The following PCDHA7 variants were observed in gnomAD, a reference collection of about 807,000 sequenced individuals.
PCDHA7 encodes protocadherin alpha 7.
In PCDHA7, 37 loss-of-function variants were observed where a neutral mutation model predicts 57.2. The ratio of observed to expected loss-of-function variants is 0.65; its 90% CI spans 0.50 to 0.85. The LOEUF (loss-of-function observed/expected upper bound fraction) is 0.85, where lower values mean the gene tolerates loss of function less well. PCDHA7 is among the 40% of genes least tolerant of loss of function. PCDHA7 has a pLI of 0.00. For synonymous variants in PCDHA7, 553 were observed against 558.8 expected (o/e 0.99, Z 0.15); for missense variants, 1,188 against 1,241.8 (o/e 0.96, Z 0.65).
At chr5:140,884,585 A>C in intron 1 of PCDHA7, 2 of 1,614,190 alleles carry the variant, frequency 1.2e-6, no homozygotes, top group Non-Finnish European at 1.7e-6. Context: ...CATGGCCTTC[A>C]GTCCCAGCCT....
intron 1 of PCDHA7, among the ~76,000 whole-genome samples, chr5:140,901,437 C>G (rs1554189835): frequency 1.3e-5 from 2 of 152,132 alleles, no homozygotes; most frequent in Non-Finnish European, 2.9e-5. Flanking sequence ...ATATGGATAT[C>G]TAGTTTCCCA....
intron 1 of PCDHA7, chr5:140,927,024 G>A (rs1554203920): frequency 6.2e-7 from 1 of 1,612,408 alleles, no homozygotes. Flanking sequence ...CGGACTTGAG[G>A]CTGCCAGCGG....
At chr5:140,967,188 TCAACGA>T in intron 1 of PCDHA7, 1 of 1,613,420 alleles carries the variant, frequency 6.2e-7, no homozygotes, top group Non-Finnish European at 8.5e-7. Flanking sequence ...ATATTGGACA[TCAACGA>T]CAACTCACCG....
rs911070094 is a variant in PCDHA7, at chr5:141,009,570, G to A, written c.2504-57G>A. On this transcript the variant is annotated intron_variant, in intron 3 of 3. Coordinates refer to ENST00000525929, the MANE Select transcript of PCDHA7 (RefSeq NM_018910.3). ...AGTACTCCTGTACTCTACCAGCAGT[G>A]TGGCATCAAGAGCATGTGTTGACCC... The A allele has an allele frequency of 1.9e-6, 3 of 1,577,968 alleles. No homozygotes were observed. In the Admixed American group the frequency reaches 5.2e-5, roughly 28 times the overall value.
chr5:140,839,198 C>T (rs1030704020), intron 1 of PCDHA7, among the ~76,000 whole-genome samples: 23 of 106,832 alleles, frequency 2.2e-4, no homozygotes, highest in Non-Finnish European at 4.1e-4. Flanking sequence ...CTATAAATAT[C>T]TTTGACCTTC....
At chr5:140,904,074 T>G (rs2070811489) in intron 1 of PCDHA7, among the ~76,000 whole-genome samples, 1 of 152,214 alleles carries the variant, frequency 6.6e-6, no homozygotes, top group East Asian at 1.9e-4. Flanking sequence ...GGGAACAGTA[T>G]TTGGTTACAT....
At chr5:140,890,313 G>T (rs1191082730) in intron 1 of PCDHA7, among the ~76,000 whole-genome samples, 2 of 152,112 alleles carry the variant, frequency 1.3e-5, no homozygotes, top group South Asian at 2.1e-4. Context: ...ATATTAAGTT[G>T]TTTTAAGATA....
intron 1 of PCDHA7, among the ~76,000 whole-genome samples, chr5:140,924,441 G>A (rs144532137): frequency 1.3e-5 from 2 of 152,274 alleles, no homozygotes; most frequent in African/African-American, 4.8e-5. Context: ...AAGAGATAAC[G>A]AATGGGTTTG....
At chr5:140,980,858 A>T (rs2096908934) in intron 2 of PCDHA7, among the ~76,000 whole-genome samples, 2 of 152,162 alleles carry the variant, frequency 1.3e-5, no homozygotes, top group Admixed American at 1.3e-4. Flanking sequence ...TCTTTTTCGT[A>T]TGTGTGCTTG....
intron 1 of PCDHA7, chr5:140,860,473 G>A (rs534132649): frequency 6.6e-6 from 1 of 152,258 alleles, no homozygotes; most frequent in South Asian, 2.1e-4. Flanking sequence ...AGTTGGTGCA[G>A]TAGTACTTTA....
rs2051668710 is a variant in PCDHA7, at chr5:140,870,104, CA to C, written c.2355+33367del. The C allele has an allele frequency of 1.9e-6, 3 of 1,613,930 alleles. No individual in the cohort carries two copies. In the East Asian group the frequency reaches 6.7e-5, roughly 36 times the overall value. On this transcript the variant is annotated intron_variant, in intron 1 of 3. Coordinates refer to ENST00000525929, the MANE Select transcript of PCDHA7 (RefSeq NM_018910.3). ...ACTCCCCCAATGGCAGGTCACTGTACAGTCTGGGTGGAAATCTTGGACACCA... is the reference window on the plus strand; with the variant it reads ...ACTCCCCCAATGGCAGGTCACTGTACGTCTGGGTGGAAATCTTGGACACCA...
chr5:140,844,973 A>G (rs1229896570), intron 1 of PCDHA7, among the ~76,000 whole-genome samples: 1 of 149,218 alleles, frequency 6.7e-6, no homozygotes, highest in African/African-American at 2.5e-5. Context: ...TGTTATTAGT[A>G]TTGTTTTAAA....
At position 140,852,929 on chromosome 5, in the gene PCDHA7, A is replaced by G. The variant is rs2150525659; in HGVS notation, c.2355+16191A>G. 9 of 654,866 alleles carry G rather than the reference A, an allele frequency of 1.4e-5. No individual in the cohort carries two copies. The Admixed American group carries it at 3.9e-4, about 29-fold the overall frequency. The allele number at this position is 654,866 out of a possible 1,614,324, so 40.6% of individuals were successfully genotyped here. A position where few individuals can be genotyped will look rare whatever the true frequency, so the allele number is the denominator to read the frequency against. Reference sequence around the variant, plus strand: ...AGTCTCGCTCTGTTGCCCAGGCTGGAGTGCAGTGGTGCCATCTTGGCTCAC... The same window carrying G: ...AGTCTCGCTCTGTTGCCCAGGCTGGGGTGCAGTGGTGCCATCTTGGCTCAC... On this transcript the variant is annotated intron_variant, in intron 1 of 3. Transcript: ENST00000525929.
intron 1 of PCDHA7, chr5:140,883,195 T>G (rs781816525): frequency 6.2e-7 from 1 of 1,613,904 alleles, no homozygotes; most frequent in Non-Finnish European, 8.5e-7. Flanking sequence ...GCAAACTAGA[T>G]TTCGAAGAAA....
At chr5:141,000,421 AT>A (rs34755515) in intron 3 of PCDHA7, among the ~76,000 whole-genome samples, 491 of 27,806 alleles carry the variant, frequency 0.018, 4 homozygotes, top group South Asian at 0.021. Flanking sequence ...ATATATATAT[AT>A]TTTTTTTTTT....
chr5:140,941,939 T>C (rs2153657014), intron 1 of PCDHA7, among the ~76,000 whole-genome samples: 1 of 152,358 alleles, frequency 6.6e-6, no homozygotes, highest in African/African-American at 2.4e-5. Context: ...TTTGAATTAC[T>C]TTTGTTTTGA....
At chr5:140,920,069 G>C (rs527472900) in intron 1 of PCDHA7, among the ~76,000 whole-genome samples, 1 of 152,288 alleles carries the variant, frequency 6.6e-6, no homozygotes, top group Non-Finnish European at 1.5e-5. Context: ...GGAAAAGGCA[G>C]AAACAGATTC....
At chr5:140,855,286 A>G (rs1387384974) in intron 1 of PCDHA7, among the ~76,000 whole-genome samples, 2 of 149,848 alleles carry the variant, frequency 1.3e-5, no homozygotes, top group Non-Finnish European at 3.0e-5. Flanking sequence ...CCGTATTACT[A>G]TTAGGCCAAA....
chr5:140,910,274 G>A (rs1185029668), intron 1 of PCDHA7, among the ~76,000 whole-genome samples: 1 of 152,030 alleles, frequency 6.6e-6, no homozygotes, highest in Non-Finnish European at 1.5e-5. Flanking sequence ...TCACTTCTAG[G>A]AACACCATGA....
Sources: gnomAD v4.1 joint callset for allele counts (sites outside exome capture counted in the v4.1 genomes callset) on GRCh38, gnomAD v4.1.1 for gene constraint, MANE v1.5 for transcripts, NCBI Gene and HGNC (gene_info 2026-07-23, HGNC 2026-07-21) for gene names.